Variants in NOS2 observed in about 807,000 individuals in gnomAD.
NOS2 encodes nitric oxide synthase, inducible.
NOS2 carries 96 observed loss-of-function variants against 136.0 expected under a neutral mutation model. The ratio of observed to expected loss-of-function variants is 0.71; its 90% CI spans 0.60 to 0.84. NOS2 has a LOEUF of 0.84. NOS2 is among the 40% of genes least tolerant of loss of function. The probability of loss-of-function intolerance (pLI) is 0.00; values close to 1 mark genes in which losing one functional copy is unlikely to be tolerated. For synonymous variants in NOS2, 539 were observed against 587.5 expected, an observed-to-expected ratio of 0.92 and a Z score of 1.20; for missense variants, 1,237 against 1,496.9, an observed-to-expected ratio of 0.83 and a Z score of 2.87.
intron 3 of NOS2, 54 bp downstream of exon 3, chr17:27,789,550 C>T (rs1909127035): frequency 7.4e-7 from 1 of 1,348,690 alleles, no homozygotes; most frequent in African/African-American, 1.4e-5. Flanking sequence ...GCTATGTCTG[C>T]ATCTGCCTGG....
rs754161294 is a variant in NOS2, at chr17:27,759,027, G to A, written c.3208C>T (p.Arg1070Cys). Residue 1070 changes from arginine (R) to cysteine (C), a missense_variant, in exon 26 of 27, where the codon CGT (arginine) becomes TGT (cysteine). Transcript: ENST00000313735. ...LRQQLASEVL[R>C]VLHKEPGHLY... The stretch of plus-strand genomic sequence containing the variant: ...TGGCCTGGCTCCTTGTGGAGCACAC[G>A]GAGCACCTCGCTGGCCAGCTGCTGC... 45 of 1,609,642 alleles carry A rather than the reference G, an allele frequency of 2.8e-5. No homozygotes were observed. The South Asian group carries it at 3.0e-4, about 11-fold the overall frequency.
chr17:27,782,991 G>A lies in NOS2; in HGVS notation c.583C>T (p.Arg195Cys), dbSNP rs1204128106. The A allele has an allele frequency of 2.5e-6, 4 of 1,614,164 alleles. No individual in the cohort carries two copies. The highest frequency in any genetic ancestry group is 2.5e-6 in the Non-Finnish European group (3 of 1,180,018). ...CTCCCAATGCAGCGTGGGGCATTGC[G>A]CCAGGCCTGCTTGGTGGCGAAGATG... ...ELIFATKQAW[R>C]NAPRCIGRIQ... The change falls in exon 6 of 27, where the codon CGC becomes TGC. Residue 195 changes from arginine (R) to cysteine (C), a missense_variant. Arg to Cys is a radical substitution (Grantham distance 180). Coordinates refer to ENST00000313735, the MANE Select transcript of NOS2 (RefSeq NM_000625.4).
Position 27,759,201 on chromosome 17 carries a change from C to T in NOS2, c.3160-126G>A, listed in dbSNP as rs28730831. 1,204 of 622,344 alleles carry T rather than the reference C, an allele frequency of 1.9e-3. 10 individuals carry two copies. The African/African-American group carries it at 0.02, about 10-fold the overall frequency. The allele number at this position is 622,344 out of a possible 1,614,324, so 38.6% of individuals were successfully genotyped here. On this transcript the variant is annotated intron_variant, in intron 25 of 26. Transcript: ENST00000313735. The stretch of plus-strand genomic sequence containing the variant: ...GGGTGAGGAGTGAGTCCCCTTCCAG[C>T]CAGGACCTTGCAAGGGGCCAGGCTC...
chr17:27,759,136 G>A, intron 25 of NOS2, 61 bp from the exon 26 acceptor site: 1 of 1,256,508 alleles, frequency 8.0e-7, no homozygotes, highest in Non-Finnish European at 1.1e-6. Flanking sequence ...CTTGCAGGCA[G>A]GCCTGCTGGC....
intron 7 of NOS2, among the ~76,000 whole-genome samples, chr17:27,781,653 T>C (rs1055551800): frequency 6.6e-6 from 1 of 152,234 alleles, no homozygotes; most frequent in Admixed American, 6.5e-5. Flanking sequence ...TGTTCAGTCC[T>C]ATTAGCTTTG....
Position 27,757,279 on chromosome 17 carries a change from C to T in NOS2, c.3429G>A (p.Val1143=), listed in dbSNP as rs2151323418. The part of the protein sequence containing the change: ...PYEAKKDRVA[V]QPSSLEMSAL ...CTGACATCTCCAGGCTGCTGGGCTGCACCGCCACCCTGTCCTTCTTCGCCT... is the reference window on the plus strand; with the variant it reads ...CTGACATCTCCAGGCTGCTGGGCTGTACCGCCACCCTGTCCTTCTTCGCCT... The change falls in exon 27 of 27, where the codon GTG becomes GTA. Residue 1143 remains valine, a synonymous_variant. Coordinates refer to ENST00000313735, the MANE Select transcript of NOS2 (RefSeq NM_000625.4). 2 of 1,614,106 alleles carry T rather than the reference C, an allele frequency of 1.2e-6. No homozygotes were observed. Among genetic ancestry groups the T allele is most frequent in the Non-Finnish European group, 1.7e-6 (2 of 1,180,010 alleles).
chr17:27,791,320 C>A (rs746239743), intron 2 of NOS2, among the ~76,000 whole-genome samples: 2 of 152,188 alleles, frequency 1.3e-5, no homozygotes, highest in Non-Finnish European at 2.9e-5. Flanking sequence ...CCCATCCAAG[C>A]ATTTCCTTGT....
chr17:27,781,867 C>G (rs567431559), intron 7 of NOS2, 148 bp downstream of exon 7: 30 of 701,984 alleles, frequency 4.3e-5, no homozygotes, highest in Admixed American at 7.0e-5. Context: ...TGGAAGTCCC[C>G]GAAGAAGCCT....
At chr17:27,778,590 G>A in intron 11 of NOS2, 100 bp downstream of exon 11, 2 of 934,956 alleles carry the variant, frequency 2.1e-6, no homozygotes, top group Non-Finnish European at 3.5e-6. Context: ...CCTCTAGAGT[G>A]AGCAAGGGGG....
intron 5 of NOS2, among the ~76,000 whole-genome samples, chr17:27,786,350 C>T (rs1225521109): frequency 4.6e-5 from 7 of 152,116 alleles, no homozygotes; most frequent in East Asian, 1.9e-4. Context: ...CGCTTAAACC[C>T]GGGAGGCAGA....
intron 3 of NOS2, 104 bp from the exon 4 acceptor site, chr17:27,789,035 G>A (rs28998832): frequency 1.4e-6 from 2 of 1,445,570 alleles, no homozygotes; most frequent in Non-Finnish European, 1.9e-6. Context: ...CACAGGGCAG[G>A]GTGTCCCTCC....
intron 15 of NOS2, among the ~76,000 whole-genome samples, chr17:27,769,821 AC>A (rs1908433244): frequency 6.6e-6 from 1 of 152,092 alleles, no homozygotes; most frequent in South Asian, 2.1e-4. Context: ...TTAATGGGGG[AC>A]CTGGAACAGC....
chr17:27,793,793 G>A (rs1455663717), intron 2 of NOS2: 2 of 378,276 alleles, frequency 5.3e-6, no homozygotes, highest in Non-Finnish European at 9.4e-6. Context: ...GGGGCGGGGC[G>A]AGCCGAGCAG....
intron 11 of NOS2, among the ~76,000 whole-genome samples, chr17:27,776,231 C>T (rs542684001): frequency 6.6e-6 from 1 of 152,304 alleles, no homozygotes; most frequent in Non-Finnish European, 1.5e-5. Flanking sequence ...CCTGGGAAGG[C>T]CAGCCATGCC....
At chr17:27,781,882 C>A (rs1334649783) in intron 7 of NOS2, 133 bp downstream of exon 7, 5 of 772,746 alleles carry the variant, frequency 6.5e-6, no homozygotes, top group Non-Finnish European at 8.7e-6. Flanking sequence ...AAGCCTGAGT[C>A]TTTCTCTTTT....
chr17:27,761,036 TG>T, intron 23 of NOS2, 107 bp downstream of exon 23: 1 of 1,092,448 alleles, frequency 9.2e-7, no homozygotes, highest in Non-Finnish European at 1.3e-6. Context: ...GCCTTCTTTA[TG>T]GGCCAAGGGG....
At chr17:27,777,431 C>T (rs1219011022) in intron 11 of NOS2, among the ~76,000 whole-genome samples, 2 of 152,142 alleles carry the variant, frequency 1.3e-5, no homozygotes, top group Admixed American at 6.5e-5. Flanking sequence ...GAGGGCTTAG[C>T]CCTACACAGG....
In NOS2 at chr17:27,781,094, C is replaced by T. The variant is rs1202929869; in HGVS notation, c.806G>A (p.Gly269Asp). The T allele has an allele frequency of 6.2e-7, 1 of 1,613,648 alleles. No individual in the cohort carries two copies. The highest frequency in any genetic ancestry group is 1.7e-5 in the Admixed American group (1 of 60,008). The change falls in exon 8 of 27, where the codon GGC (glycine) becomes GAC (aspartate). Residue 269 changes from glycine to aspartate, a missense_variant. Gly to Asp is a moderately conservative substitution (Grantham distance 94). Around this residue, in one of 3 missense-constraint regions of NOS2, gnomAD observed 440 missense variants for 545.4 expected, o/e 0.81. Coordinates refer to ENST00000313735, the MANE Select transcript of NOS2 (RefSeq NM_000625.4). ...GATGCTGCCATCTGGCATCTGGTAG[C>T]CAGCATAGCGGATGAGCTGAGCATT... Reference protein sequence around the residue: ...VWNAQLIRYAGYQMPDGSIRG... With the variant: ...VWNAQLIRYADYQMPDGSIRG...
At chr17:27,777,211 T>C (rs1019421994) in intron 11 of NOS2, among the ~76,000 whole-genome samples, 1 of 152,218 alleles carries the variant, frequency 6.6e-6, no homozygotes, top group South Asian at 2.1e-4. Flanking sequence ...ACCACTCACA[T>C]CCTTGGCCCA....
Sources: allele counts gnomAD v4.1 joint callset (sites outside exome capture counted in the v4.1 genomes callset), GRCh38; gene constraint gnomAD v4.1.1; regional missense constraint gnomAD v4.1.1; transcripts MANE v1.5; gene names NCBI Gene and HGNC (gene_info 2026-07-23, HGNC 2026-07-21).